The following CHRNA7 variants were observed in gnomAD, a reference collection of about 807,000 sequenced individuals.
CHRNA7 encodes cholinergic receptor nicotinic alpha 7 subunit.
In CHRNA7, 17 loss-of-function variants were observed where a neutral mutation model predicts 48.0. The observed-to-expected ratio is 0.35, with a 90% CI of 0.24 to 0.53. The LOEUF (loss-of-function observed/expected upper bound fraction) is 0.53, where lower values mean the gene tolerates loss of function less well. CHRNA7 is among the 20% of genes least tolerant of loss of function. The pLI is 0.92. For synonymous variants in CHRNA7, 75 were observed against 242.3 expected (o/e 0.31, Z 6.41); for missense variants, 155 against 577.7 (o/e 0.27, Z 7.50).
At chr15:32,134,624 A>G (rs2051215456) in intron 4 of CHRNA7, among the ~76,000 whole-genome samples, 1 of 152,242 alleles carries the variant, frequency 6.6e-6, no homozygotes, top group Non-Finnish European at 1.5e-5. Context: ...CACATACAGA[A>G]ACATCTCACT....
At chr15:32,066,815 C>T (rs760139596) in intron 2 of CHRNA7, among the ~76,000 whole-genome samples, 11 of 152,076 alleles carry the variant, frequency 7.2e-5, no homozygotes, top group Admixed American at 2.6e-4. Flanking sequence ...AAGAATATCT[C>T]ACCAAATAAA....
intron 4 of CHRNA7, among the ~76,000 whole-genome samples, chr15:32,137,044 A>AATAAAAAAT (rs1566865823): frequency 6.8e-6 from 1 of 147,884 alleles, no homozygotes; most frequent in African/African-American, 2.5e-5. Context: ...AAAAAAAAAA[A>AATAAAAAAT]AAGAAAAAAA....
At chr15:32,123,975 A>AG in intron 4 of CHRNA7, among the ~76,000 whole-genome samples, 1 of 151,736 alleles carries the variant, frequency 6.6e-6, no homozygotes, top group African/African-American at 2.4e-5. Flanking sequence ...AAAAAAAAAA[A>AG]AAAAAAACAG....
At chr15:32,137,236 T>C (rs2141329958) in intron 4 of CHRNA7, among the ~76,000 whole-genome samples, 1 of 151,942 alleles carries the variant, frequency 6.6e-6, no homozygotes, top group South Asian at 2.1e-4. Context: ...CGATAGACTG[T>C]TTAGATGAAA....
chr15:32,133,063 C>G lies in CHRNA7; in HGVS notation c.351-20844C>G, dbSNP rs115112505. Among the ~76,000 whole-genome samples, 599 of 152,258 alleles carry G rather than the reference C, an allele frequency of 3.9e-3. 4 individuals are homozygous for G. Among genetic ancestry groups the G allele is most frequent in the African/African-American group, 0.013 (560 of 41,558 alleles). On this transcript the variant is annotated intron_variant, in intron 4 of 9. Coordinates refer to ENST00000306901, the MANE Select transcript of CHRNA7 (RefSeq NM_000746.6). ...CCCAGTCAGCATTGTCACTGGGGGA[C>G]GAGCTGGCAGGGTGCAATGTTGTTC...
upstream of CHRNA7, chr15:32,030,511 A>C: frequency 3.1e-6 from 4 of 1,286,316 alleles, no homozygotes; most frequent in Non-Finnish European, 4.0e-6. Flanking sequence ...CCGAGCGGCG[A>C]GGTGCCTCTG....
intron 2 of CHRNA7, among the ~76,000 whole-genome samples, chr15:32,063,878 G>A (rs2049919944): frequency 6.6e-6 from 1 of 152,188 alleles, no homozygotes; most frequent in Non-Finnish European, 1.5e-5. Flanking sequence ...CTATCAACTA[G>A]AGAATTTCCC....
chr15:32,050,466 G>A (rs1182920095), intron 2 of CHRNA7, among the ~76,000 whole-genome samples: 1 of 152,056 alleles, frequency 6.6e-6, no homozygotes, highest in Non-Finnish European at 1.5e-5. Context: ...CATTCTTCAT[G>A]TAGTTCTCGA....
In CHRNA7 at chr15:32,170,563, G is replaced by C. The variant is rs1324406019; in HGVS notation, c.*2105G>C. ...TTTTGCTTTAAAAAGAAACCTTTTT[G>C]GTTTTGTATTTTATACAGGAACACA... On this transcript the variant is annotated 3_prime_UTR_variant, in exon 10 of 10. Coordinates refer to ENST00000306901, the MANE Select transcript of CHRNA7 (RefSeq NM_000746.6). 6.9e-6 allele frequency: 1 copy of C among 145,004 alleles called. No homozygotes were observed. Among genetic ancestry groups the C allele is most frequent in the Non-Finnish European group, 1.5e-5 (1 of 65,686 alleles). 9.0% of individuals were successfully genotyped at this position (145,004 alleles called of 1,614,324 possible).
At chr15:32,118,762 G>T (rs113927723) in intron 4 of CHRNA7, among the ~76,000 whole-genome samples, 2 of 152,116 alleles carry the variant, frequency 1.3e-5, no homozygotes, top group Non-Finnish European at 2.9e-5. Flanking sequence ...AAACAGAGAT[G>T]GGGAAGAGAG....
chr15:32,130,724 G>A lies in CHRNA7; in HGVS notation c.350+18825G>A, dbSNP rs376428670. Among the ~76,000 whole-genome samples the A allele has an allele frequency of 9.2e-5, 14 of 151,572 alleles. No homozygotes were observed. In the East Asian group the frequency reaches 9.7e-4, roughly 10 times the overall value. On this transcript the variant is annotated intron_variant, in intron 4 of 9. Coordinates refer to ENST00000306901, the MANE Select transcript of CHRNA7 (RefSeq NM_000746.6). ...ACATTTTATGTATGTAACTTATTAC[G>A]TTACTGACTACTGATATAAACATCT...
At chr15:32,080,145 T>C (rs1400914710) in intron 2 of CHRNA7, among the ~76,000 whole-genome samples, 1 of 152,104 alleles carries the variant, frequency 6.6e-6, no homozygotes, top group East Asian at 1.9e-4. Context: ...TATACAAATA[T>C]TAACTCAGGG....
chr15:32,108,620 G>A (rs562267204), intron 3 of CHRNA7, among the ~76,000 whole-genome samples: 1 of 152,268 alleles, frequency 6.6e-6, no homozygotes, highest in Non-Finnish European at 1.5e-5. Context: ...GTGGACCTGG[G>A]CTCCAGGGCA....
intron 2 of CHRNA7, among the ~76,000 whole-genome samples, chr15:32,039,056 G>A (rs2049402417): frequency 6.6e-6 from 1 of 152,102 alleles, no homozygotes; most frequent in African/African-American, 2.4e-5. Flanking sequence ...GCATAGAATT[G>A]TTCATAGTAT....
intron 2 of CHRNA7, among the ~76,000 whole-genome samples, chr15:32,063,572 T>A (rs1298146953): frequency 6.6e-6 from 1 of 152,204 alleles, no homozygotes; most frequent in African/African-American, 2.4e-5. Flanking sequence ...TCTGGAGTTA[T>A]TGATGGAGTT....
At chr15:32,046,813 T>C (rs1049742434) in intron 2 of CHRNA7, among the ~76,000 whole-genome samples, 10 of 152,000 alleles carry the variant, frequency 6.6e-5, no homozygotes, top group African/African-American at 2.4e-4. Flanking sequence ...GTCTAACGTT[T>C]AAGTCTTTAA....
chr15:32,094,700 G>A (rs2050438343), intron 2 of CHRNA7, among the ~76,000 whole-genome samples: 3 of 147,194 alleles, frequency 2.0e-5, no homozygotes, highest in African/African-American at 5.0e-5. Context: ...TTACTCTGTC[G>A]CCCAGGCTGG....
chr15:32,077,188 C>G (rs778684502), intron 2 of CHRNA7, among the ~76,000 whole-genome samples: 4 of 151,884 alleles, frequency 2.6e-5, no homozygotes, highest in African/African-American at 4.8e-5. Flanking sequence ...ACAGATTACC[C>G]ATTTACCTAC....
chr15:32,030,538 C>T lies in CHRNA7; in HGVS notation c.-57C>T. The T allele has an allele frequency of 4.3e-6, 6 of 1,403,720 alleles. No individual in the cohort carries two copies. The highest frequency in any genetic ancestry group is 5.5e-6 in the Non-Finnish European group (6 of 1,084,296). 87.0% of individuals were successfully genotyped at this position (1,403,720 alleles called of 1,614,324 possible). On this transcript the variant is annotated 5_prime_UTR_variant, in exon 1 of 10. Transcript: ENST00000306901. The stretch of plus-strand genomic sequence containing the variant: ...GTGCCTCTGTGGCCGCAGGCGCAGG[C>T]CCGGGCGACAGCCGAGACGTGGAGC...
Sources: gnomAD v4.1 joint callset for allele counts (sites outside exome capture counted in the v4.1 genomes callset) on GRCh38, gnomAD v4.1.1 for gene constraint, MANE v1.5 for transcripts, NCBI Gene and HGNC (gene_info 2026-07-23, HGNC 2026-07-21) for gene names.